MYO5C: variants seen among roughly 807,000 people sequenced by gnomAD.
MYO5C encodes myosin VC, also known as unconventional myosin-Vc.
A neutral mutation model predicts 235.7 loss-of-function variants in MYO5C; 194 were observed. The observed-to-expected ratio is 0.82, with a 90% CI of 0.73 to 0.93. The LOEUF is 0.93. Among genes scored for constraint, MYO5C ranks in the 40% least tolerant of loss-of-function variants. The pLI is 0.00. For synonymous variants in MYO5C, 707 were observed against 754.8 expected, an observed-to-expected ratio of 0.94 and a Z score of 1.04; for missense variants, 2,038 against 2,127.2, an observed-to-expected ratio of 0.96 and a Z score of 0.82.
chr15:52,286,495 G>C (rs2037276487), intron 1 of MYO5C, among the ~76,000 whole-genome samples: 2 of 152,216 alleles, frequency 1.3e-5, no homozygotes, highest in South Asian at 4.1e-4. Context: ...TTGTGGAATA[G>C]AAAGGGGGGA....
rs772768355 is a variant in MYO5C at position 52,271,851 on chromosome 15, G to A, written c.751-7C>T. The A allele has an allele frequency of 6.4e-7, 1 of 1,574,334 alleles. No individual in the cohort carries two copies. The highest frequency in any genetic ancestry group is 1.2e-5 in the South Asian group (1 of 86,374). The stretch of plus-strand genomic sequence containing the variant: ...AATTTCGTTCATTTTCCGACTGTAA[G>A]ATAAAGAAATGTCCTCAAAATTACA... On this transcript the variant is annotated splice_polypyrimidine_tract_variant and splice_region_variant and intron_variant, in intron 6 of 40. Coordinates refer to ENST00000261839, the MANE Select transcript of MYO5C (RefSeq NM_018728.4).
intron 8 of MYO5C, among the ~76,000 whole-genome samples, chr15:52,267,711 G>A (rs532105756): frequency 2.0e-5 from 3 of 152,258 alleles, no homozygotes; most frequent in African/African-American, 4.8e-5. Context: ...GTCTCAGAGT[G>A]GGTAACCTTA....
At chr15:52,279,421 C>A in intron 3 of MYO5C, 88 bp downstream of exon 3, 1 of 1,367,270 alleles carries the variant, frequency 7.3e-7, no homozygotes, top group South Asian at 1.5e-5. Flanking sequence ...TCTGGGTGCT[C>A]AGTATAAACA....
intron 10 of MYO5C, among the ~76,000 whole-genome samples, chr15:52,257,630 G>A (rs921786323): frequency 6.6e-6 from 1 of 152,140 alleles, no homozygotes; most frequent in Admixed American, 6.5e-5. Context: ...ATTTATGCAC[G>A]TCACCTCCTA....
At chr15:52,271,166 G>A (rs1250410988) in intron 7 of MYO5C, among the ~76,000 whole-genome samples, 1 of 152,028 alleles carries the variant, frequency 6.6e-6, no homozygotes, top group African/African-American at 2.4e-5. Context: ...GACATCATAT[G>A]TTCCAGCTGT....
chr15:52,288,862 A>G (rs1308979410), intron 1 of MYO5C, among the ~76,000 whole-genome samples: 1 of 152,184 alleles, frequency 6.6e-6, no homozygotes, highest in African/African-American at 2.4e-5. Flanking sequence ...AAGCTGAGGC[A>G]GAGGCTCGGG....
At position 52,278,965 on chromosome 15, in the gene MYO5C, A is replaced by T. The variant is rs562675328; in HGVS notation, c.357T>A (p.Asp119Glu). The change falls in exon 4 of 41, where the codon GAT becomes GAA. Residue 119 changes from aspartate (D) to glutamate (E), a missense_variant. Asp to Glu is a conservative substitution (Grantham distance 45, BLOSUM62 2). Coordinates refer to ENST00000261839, the MANE Select transcript of MYO5C (RefSeq NM_018728.4). ...NPYKQLPIYG[D>E]AIIHAYSGQN... is the part of the protein sequence containing the mutation. ...GCCCGCTGTAGGCGTGGATGATGGC[A>T]TCTCCGTATATTGGCAACTGCTTGT... is the stretch of plus-strand genomic sequence containing the variant. The T allele has an allele frequency of 6.2e-7, 1 of 1,614,006 alleles. No individual in the cohort carries two copies. The highest frequency in any genetic ancestry group is 2.2e-5 in the East Asian group (1 of 44,864).
At chr15:52,279,750 C>T in intron 2 of MYO5C, 76 bp from the exon 3 acceptor site, 2 of 1,359,146 alleles carry the variant, frequency 1.5e-6, no homozygotes, top group Non-Finnish European at 2.0e-6. Flanking sequence ...TGTCCTTTGT[C>T]CTATCCACCC....
rs146816162 is a variant in MYO5C, at chr15:52,223,305, G to A, written c.3627+239C>T. Among the ~76,000 whole-genome samples the A allele has an allele frequency of 5.3e-3, 802 of 152,200 alleles. 14 individuals carry two copies. The highest frequency in any genetic ancestry group is 0.027 in the Admixed American group (413 of 15,282). On this transcript the variant is annotated intron_variant, in intron 29 of 40. Transcript: ENST00000261839. ...GGCTTTAAAACATACACACTTACGC[G>A]CACACACAGACAATCACAGCGCCTG...
intron 19 of MYO5C, chr15:52,242,515 G>A (rs1018554587): frequency 3.6e-5 from 10 of 274,478 alleles, no homozygotes; most frequent in Non-Finnish European, 5.6e-5. Flanking sequence ...GCTCAATCAC[G>A]TACTATTTAC....
intron 38 of MYO5C, among the ~76,000 whole-genome samples, chr15:52,199,807 C>G (rs1596129933): frequency 6.6e-6 from 1 of 152,130 alleles, no homozygotes; most frequent in South Asian, 2.1e-4. Context: ...ATCTGTGGTT[C>G]AAGGTTCTCT....
chr15:52,262,948 G>C (rs543723338), intron 9 of MYO5C, among the ~76,000 whole-genome samples: 3 of 152,322 alleles, frequency 2.0e-5, no homozygotes, highest in Non-Finnish European at 4.4e-5. Flanking sequence ...AGTTGAGAAG[G>C]TGAGGCCTGC....
chr15:52,257,278 C>T (rs2036603261), intron 10 of MYO5C, among the ~76,000 whole-genome samples: 1 of 152,206 alleles, frequency 6.6e-6, no homozygotes, highest in South Asian at 2.1e-4. Context: ...TATCCTACAG[C>T]CCAGCACACC....
chr15:52,249,347 G>A (rs1005974057), intron 13 of MYO5C, among the ~76,000 whole-genome samples: 1 of 152,106 alleles, frequency 6.6e-6, no homozygotes, highest in African/African-American at 2.4e-5. Context: ...AAGGCTTCTC[G>A]AATGCCTCAA....
chr15:52,201,783 G>C (rs1364962686), intron 38 of MYO5C, among the ~76,000 whole-genome samples: 1 of 151,720 alleles, frequency 6.6e-6, no homozygotes, highest in Non-Finnish European at 1.5e-5. Context: ...AGGCTAAAGG[G>C]GCCTACATGA....
Position 52,198,863 on chromosome 15 carries a change from A to T in MYO5C, c.4821-2380T>A, listed in dbSNP as rs922553485. ...CCAAAGTGCTGGGATTACAGGTGTG[A>T]GCCACCGCGCCTGGCCTACTTTTAG... is the stretch of plus-strand genomic sequence containing the variant. On this transcript the variant is annotated intron_variant, in intron 38 of 40. Coordinates refer to ENST00000261839, the MANE Select transcript of MYO5C (RefSeq NM_018728.4). Among the ~76,000 whole-genome samples, 5 of 149,168 alleles carry T rather than the reference A, an allele frequency of 3.4e-5. 1 individual carries two copies. The South Asian group carries it at 1.1e-3, about 32-fold the overall frequency.
intron 11 of MYO5C, among the ~76,000 whole-genome samples, chr15:52,255,581 T>C (rs752625288): frequency 3.3e-5 from 5 of 152,262 alleles, no homozygotes; most frequent in Non-Finnish European, 4.4e-5. Context: ...AGGGCCAATG[T>C]AGAAAGATGT....
intron 14 of MYO5C, 119 bp from the exon 15 acceptor site, chr15:52,247,711 C>A: frequency 1.9e-6 from 2 of 1,040,106 alleles, no homozygotes; most frequent in Non-Finnish European, 2.8e-6. Context: ...AACAACCTCA[C>A]CAACATCTAC....
rs531448314 is a variant in MYO5C at position 52,222,205 on chromosome 15, C to T, written c.3628-950G>A. On this transcript the variant is annotated intron_variant, in intron 29 of 40. Coordinates refer to ENST00000261839, the MANE Select transcript of MYO5C (RefSeq NM_018728.4). The stretch of plus-strand genomic sequence containing the variant: ...CCAGCATACGATGGGTTTATTGGGA[C>T]GTAGCCCCATGGTAAGCTGAGGAGC... Among the ~76,000 whole-genome samples the T allele has an allele frequency of 1.1e-4, 17 of 152,244 alleles. No individual in the cohort carries two copies. In the South Asian group the frequency reaches 1.7e-3, roughly 15 times the overall value.
Sources: gnomAD v4.1 joint callset for allele counts (sites outside exome capture counted in the v4.1 genomes callset) on GRCh38, gnomAD v4.1.1 for gene constraint, MANE v1.5 for transcripts, NCBI Gene and HGNC (gene_info 2026-07-23, HGNC 2026-07-21) for gene names.